Variants in RPS6KA6 observed in about 807,000 individuals in gnomAD.
RPS6KA6 encodes ribosomal protein S6 kinase A6, also known as ribosomal protein S6 kinase alpha-6.
Under a neutral mutation model 65.4 loss-of-function variants are expected in RPS6KA6, and 27 were observed. That is an observed-to-expected ratio of 0.41 (90% CI 0.30 to 0.57). The LOEUF (loss-of-function observed/expected upper bound fraction) is 0.57. Ranked by LOEUF, RPS6KA6 falls within the 20% of genes least tolerant of loss-of-function variation. The pLI is 0.24. For synonymous variants in RPS6KA6, 190 were observed against 184.2 expected, an observed-to-expected ratio of 1.03 and a Z score of -0.26; for missense variants, 486 against 555.6, an observed-to-expected ratio of 0.87 and a Z score of 1.26.
At chrX:84,107,510 A>AC in intron 13 of RPS6KA6, 113 bp downstream of exon 13, 1 of 449,159 alleles carries the variant, frequency 2.2e-6, no homozygotes, top group Non-Finnish European at 3.7e-6. Context: ...TCCCATGGAC[A>AC]AATCAACTCT....
At position 84,072,448 on chromosome X, in the gene RPS6KA6, T is replaced by C. The variant is rs139978172; in HGVS notation, c.1972-7337A>G. Among the ~76,000 whole-genome samples, 484 of 111,744 alleles carry C rather than the reference T, an allele frequency of 4.3e-3. 3 individuals carry two copies. Among genetic ancestry groups the C allele is most frequent in the Non-Finnish European group, 7.7e-3 (410 of 53,068 alleles). ...TATGACAAACCCACAACTAATATCA[T>C]ACTGAATAGGGGAAGGTTGAAAGCT... is the stretch of plus-strand genomic sequence containing the variant. On this transcript the variant is annotated intron_variant, in intron 20 of 21. Coordinates refer to ENST00000262752, the MANE Select transcript of RPS6KA6 (RefSeq NM_014496.5).
chrX:84,114,973 G>A (rs1046627367), intron 12 of RPS6KA6, among the ~76,000 whole-genome samples: 1 of 111,904 alleles, frequency 8.9e-6, no homozygotes, highest in Non-Finnish European at 1.9e-5. Flanking sequence ...ATTGTTTGAA[G>A]ACTTAAACAT....
At chrX:84,172,726 C>T (rs966462437) in intron 1 of RPS6KA6, among the ~76,000 whole-genome samples, 6 of 111,547 alleles carry the variant, frequency 5.4e-5, no homozygotes, top group African/African-American at 2.0e-4. Flanking sequence ...AAGTATTTAT[C>T]GACAGATGGT....
Position 84,106,997 on chromosome X carries a change from G to A in RPS6KA6, c.1155C>T (p.Phe385=). 2 of 1,203,685 alleles carry A rather than the reference G, an allele frequency of 1.7e-6. No homozygotes were observed. The highest frequency in any genetic ancestry group is 2.2e-6 in the Non-Finnish European group (2 of 890,441). Residue 385 remains phenylalanine (F), a synonymous_variant, in exon 14 of 22, where the codon TTC becomes TTT. Coordinates refer to ENST00000262752, the MANE Select transcript of RPS6KA6 (RefSeq NM_014496.5). ...AAGTTGCAACAAAGCTGAATCCTTT[G>A]AAGAGCTGATGAGCATTTGCACTGG... ...LPASANAHQL[F]KGFSFVATSI...
chrX:84,123,536 C>T (rs971265089), intron 8 of RPS6KA6, among the ~76,000 whole-genome samples: 2 of 112,448 alleles, frequency 1.8e-5, no homozygotes, highest in Admixed American at 9.4e-5. Flanking sequence ...TGAACATTGC[C>T]AGTGGCCTGG....
rs766180237 is a variant in RPS6KA6 at position 84,068,431 on chromosome X, T to C, written c.1972-3320A>G. On this transcript the variant is annotated intron_variant, in intron 20 of 21. Transcript: ENST00000262752. Reference sequence around the variant, plus strand: ...GGTATTGATGAAACATATCTCAAAATAGAGCTATTTATGACAAACCCATAG... The same window carrying C: ...GGTATTGATGAAACATATCTCAAAACAGAGCTATTTATGACAAACCCATAG... Among the ~76,000 whole-genome samples, 6 of 111,249 alleles carry C rather than the reference T, an allele frequency of 5.4e-5. No individual in the cohort carries two copies. In the East Asian group the frequency reaches 1.4e-3, roughly 26 times the overall value.
At chrX:84,134,705 G>GGCTTAGAC in intron 8 of RPS6KA6, 77 bp downstream of exon 8, 1 of 666,223 alleles carries the variant, frequency 1.5e-6, no homozygotes, top group Non-Finnish European at 2.2e-6. Flanking sequence ...GAAAAAAACA[G>GGCTTAGAC]GCTTAGACAA....
Position 84,059,724 on chromosome X carries a change from A to G in RPS6KA6, c.*4553T>C, listed in dbSNP as rs1035887159. 1.2e-4 allele frequency: 13 copies of G among 112,001 alleles called. No homozygotes were observed. The highest frequency in any genetic ancestry group is 3.8e-4 in the Admixed American group (4 of 10,512). The allele number at this position is 112,001 out of a possible 1,213,427, so 9.2% of individuals were successfully genotyped here. On this transcript the variant is annotated 3_prime_UTR_variant, in exon 22 of 22. Transcript: ENST00000262752. ...AAATTATTAGTTCCCATAACTAGAC[A>G]GTTGGAATTACAGCAAAACAGTCAT... is the stretch of plus-strand genomic sequence containing the variant.
chrX:84,160,610 T>C lies in RPS6KA6; in HGVS notation c.141+3718A>G, dbSNP rs987507128. The stretch of plus-strand genomic sequence containing the variant: ...TTTTTATTTAATAATAAAACATTCA[T>C]CTATTCAAACATCAGCTTTATTTGT... On this transcript the variant is annotated intron_variant, in intron 2 of 21. Transcript: ENST00000262752. 2.7e-5 allele frequency among the ~76,000 whole-genome samples: 3 copies of C among 111,519 alleles called. No homozygotes were observed. In the South Asian group the frequency reaches 1.1e-3, roughly 41 times the overall value.
Position 84,112,186 on chromosome X carries a change from C to G in RPS6KA6, c.1008+4043G>C, listed in dbSNP as rs6622917. Among the ~76,000 whole-genome samples the G allele has an allele frequency of 4.5e-5, 5 of 110,974 alleles. No homozygotes were observed. The East Asian group carries it at 1.4e-3, about 32-fold the overall frequency. ...CCAGAGCGCTCAGATTCAAAAACAA[C>G]TACTAATAGACCTAAGAAAAGAGAT... On this transcript the variant is annotated intron_variant, in intron 12 of 21. Transcript: ENST00000262752.
chrX:84,135,303 T>C lies in RPS6KA6; in HGVS notation c.502-93A>G, dbSNP rs893180980. ...TTCAAAATGAGTAGACAGACAAATC[T>C]AGGAAAATAATAAGATAATAAGCAC... On this transcript the variant is annotated intron_variant, in intron 6 of 21. Coordinates refer to ENST00000262752, the MANE Select transcript of RPS6KA6 (RefSeq NM_014496.5). The C allele has an allele frequency of 5.4e-6, 3 of 552,132 alleles. No homozygotes were observed. In the African/African-American group the frequency reaches 7.1e-5, roughly 13 times the overall value. The allele number at this position is 552,132 out of a possible 1,213,427, so 45.5% of individuals were successfully genotyped here. A position where few individuals can be genotyped will look rare whatever the true frequency, so the allele number is the denominator to read the frequency against.
Position 84,102,031 on chromosome X carries a change from G to A in RPS6KA6, c.1776+6C>T, listed in dbSNP as rs2034268334. On this transcript the variant is annotated splice_donor_region_variant and intron_variant, in intron 18 of 21. Transcript: ENST00000262752. Reference sequence around the variant, plus strand: ...AAAGGCAAATGGTGAAGTTTTTAAGGAATACCTCAGGTGCAACAAAGTTTG... The same window carrying A: ...AAAGGCAAATGGTGAAGTTTTTAAGAAATACCTCAGGTGCAACAAAGTTTG... 1.7e-6 allele frequency: 2 copies of A among 1,158,314 alleles called. No individual in the cohort carries two copies. The highest frequency in any genetic ancestry group is 2.3e-6 in the Non-Finnish European group (2 of 868,042).
intron 1 of RPS6KA6, among the ~76,000 whole-genome samples, chrX:84,168,003 GA>G (rs1364541500): frequency 9.0e-6 from 1 of 111,284 alleles, no homozygotes; most frequent in Non-Finnish European, 1.9e-5. Flanking sequence ...AAATCCCATT[GA>G]AAACCAGCAA....
chrX:84,150,416 C>T (rs752074246), intron 3 of RPS6KA6, among the ~76,000 whole-genome samples: 1 of 111,505 alleles, frequency 9.0e-6, no homozygotes, highest in East Asian at 2.8e-4. Context: ...ACATGCCTTC[C>T]TCACCAAGCT....
At chrX:84,103,522 T>C (rs1408439059) in intron 17 of RPS6KA6, among the ~76,000 whole-genome samples, 1 of 111,145 alleles carries the variant, frequency 9.0e-6, no homozygotes, top group African/African-American at 3.3e-5. Flanking sequence ...TCACTCATGT[T>C]TGAATCCACA....
At chrX:84,181,347 G>A (rs1295225206) in intron 1 of RPS6KA6, among the ~76,000 whole-genome samples, 3 of 111,116 alleles carry the variant, frequency 2.7e-5, no homozygotes, top group Admixed American at 1.9e-4. Flanking sequence ...AACTAGCTAC[G>A]GTACTAAATT....
chrX:84,106,846 T>C (rs1602412206), intron 14 of RPS6KA6, 64 bp downstream of exon 14: 3 of 898,621 alleles, frequency 3.3e-6, no homozygotes, highest in Non-Finnish European at 3.0e-6. Context: ...CGATTAAAAA[T>C]ACATCAGCAA....
In RPS6KA6 at chrX:84,079,911, A is replaced by C. The variant is rs185058890; in HGVS notation, c.1972-14800T>G. On this transcript the variant is annotated intron_variant, in intron 20 of 21. Transcript: ENST00000262752. ...CTGTGGATGCAGCTTCAGCAGACTT[A>C]AACGTTCCTACCTGCCTACTCTGAA... 2.7e-5 allele frequency among the ~76,000 whole-genome samples: 3 copies of C among 112,095 alleles called. No individual in the cohort carries two copies. In the Admixed American group the frequency reaches 2.8e-4, roughly 11 times the overall value.
At chrX:84,179,830 T>G in intron 1 of RPS6KA6, among the ~76,000 whole-genome samples, 1 of 111,996 alleles carries the variant, frequency 8.9e-6, no homozygotes. Context: ...CAACATATGG[T>G]TTTCTGCATA....
Sources: gnomAD v4.1 joint callset for allele counts (sites outside exome capture counted in the v4.1 genomes callset) on GRCh38, gnomAD v4.1.1 for gene constraint, MANE v1.5 for transcripts, NCBI Gene and HGNC (gene_info 2026-07-23, HGNC 2026-07-21) for gene names.